The following ZFX variants were observed in gnomAD, a reference collection of about 807,000 sequenced individuals.
ZFX encodes the protein zinc finger X-chromosomal protein.
For synonymous variants in ZFX, 196 were observed against 226.8 expected (o/e 0.86, Z 1.22); for missense variants, 362 against 628.3 (o/e 0.58, Z 4.53).
At chrX:24,158,671 C>G (rs1272230460) in intron 3 of ZFX, among the ~76,000 whole-genome samples, 2 of 111,237 alleles carry the variant, frequency 1.8e-5, no homozygotes, top group Non-Finnish European at 3.8e-5. Flanking sequence ...GGGTCTTGCT[C>G]TGTCGCCCAG....
intron 5 of ZFX, among the ~76,000 whole-genome samples, chrX:24,192,448 C>T (rs766315111): frequency 2.7e-5 from 3 of 111,441 alleles, no homozygotes; most frequent in East Asian, 2.8e-4. Context: ...GAGTATTGGC[C>T]GTAGGTTTAT....
intron 3 of ZFX, among the ~76,000 whole-genome samples, chrX:24,153,920 A>G (rs1024251818): frequency 9.0e-6 from 1 of 111,165 alleles, no homozygotes; most frequent in African/African-American, 3.3e-5. Context: ...TTTTTGACTC[A>G]GGGACATACA....
In ZFX at chrX:24,214,984, A is replaced by G. The variant is rs1319425661; in HGVS notation, c.*3608A>G. The G allele has an allele frequency of 9.1e-6, 1 of 110,335 alleles. No individual in the cohort carries two copies. The highest frequency in any genetic ancestry group is 9.9e-5 in the Admixed American group (1 of 10,144). 9.1% of individuals were successfully genotyped at this position (110,335 alleles called of 1,213,427 possible). A position where few individuals can be genotyped will look rare whatever the true frequency, so the allele number is the denominator to read the frequency against. On this transcript the variant is annotated 3_prime_UTR_variant, in exon 10 of 10. Coordinates refer to ENST00000304543, the MANE Select transcript of ZFX (RefSeq NM_003410.4). ...TTAAGTAAATGTCAGGAGTCAAAAG[A>G]GATAGAGTTGTGCCATCTTTGATTT...
chrX:24,183,706 TA>T (rs2147737992), intron 5 of ZFX, among the ~76,000 whole-genome samples: 1 of 110,307 alleles, frequency 9.1e-6, no homozygotes, highest in South Asian at 3.8e-4. Context: ...GCTATGTGTA[TA>T]AGGTGTATAT....
intron 5 of ZFX, among the ~76,000 whole-genome samples, chrX:24,186,624 T>TAA (rs1005928900): frequency 1.8e-5 from 2 of 109,406 alleles, no homozygotes; most frequent in African/African-American, 3.3e-5. Flanking sequence ...CCCCATCTCT[T>TAA]AAAAAAAAAT....
intron 3 of ZFX, among the ~76,000 whole-genome samples, chrX:24,153,470 T>TAGGGACCAAG (rs1932451015): frequency 9.0e-6 from 1 of 111,616 alleles, no homozygotes; most frequent in African/African-American, 3.3e-5. Context: ...CGTGATGCCG[T>TAGGGACCAAG]CTCTTGCATC....
Position 24,213,279 on chromosome X carries a change from G to A in ZFX, c.*1903G>A, listed in dbSNP as rs1377135085. On this transcript the variant is annotated 3_prime_UTR_variant, in exon 10 of 10. Coordinates refer to ENST00000304543, the MANE Select transcript of ZFX (RefSeq NM_003410.4). ...AATTAGAACTTGGTTATGTTAAGAC[G>A]AATCTGGGAGAACAGAAAACAGTTT... 1 of 111,875 alleles carries A rather than the reference G, an allele frequency of 8.9e-6. No homozygotes were observed. The highest frequency in any genetic ancestry group is 3.3e-5 in the African/African-American group (1 of 30,699). The allele number at this position is 111,875 out of a possible 1,213,427, so 9.2% of individuals were successfully genotyped here. A position where few individuals can be genotyped will look rare whatever the true frequency, so the allele number is the denominator to read the frequency against.
At chrX:24,209,778 G>A (rs906794981) in intron 9 of ZFX, among the ~76,000 whole-genome samples, 1 of 110,670 alleles carries the variant, frequency 9.0e-6, no homozygotes, top group Non-Finnish European at 1.9e-5. Flanking sequence ...TTTTCAGCAT[G>A]TTATGTTGGT....
At chrX:24,196,910 T>G (rs1360282502) in intron 5 of ZFX, among the ~76,000 whole-genome samples, 2 of 112,584 alleles carry the variant, frequency 1.8e-5, no homozygotes, top group African/African-American at 3.2e-5. Flanking sequence ...TTGGTTTGTT[T>G]GTTTGTTTAT....
intron 9 of ZFX, 147 bp downstream of exon 9, chrX:24,209,187 G>GAAT: frequency 2.3e-6 from 2 of 853,340 alleles, no homozygotes; most frequent in Non-Finnish European, 3.2e-6. Flanking sequence ...ATAATTTTCA[G>GAAT]AATTCAGTGA....
intron 3 of ZFX, among the ~76,000 whole-genome samples, chrX:24,158,166 G>C (rs1470286933): frequency 9.0e-6 from 1 of 111,520 alleles, no homozygotes; most frequent in Non-Finnish European, 1.9e-5. Flanking sequence ...AGAAAATACT[G>C]TATCAGTTTA....
chrX:24,177,868 T>C, intron 4 of ZFX: 2 of 748,427 alleles, frequency 2.7e-6, no homozygotes, highest in Middle Eastern at 7.6e-4. Context: ...AGCAAAAAGG[T>C]AAAACACATA....
intron 3 of ZFX, among the ~76,000 whole-genome samples, chrX:24,157,545 T>C (rs1177826271): frequency 1.8e-5 from 2 of 112,194 alleles, no homozygotes; most frequent in Non-Finnish European, 3.8e-5. Flanking sequence ...ATTGCTGTAT[T>C]GTTATTTCAT....
At chrX:24,202,098 A>G (rs1351929831) in intron 5 of ZFX, among the ~76,000 whole-genome samples, 3 of 112,044 alleles carry the variant, frequency 2.7e-5, no homozygotes, top group Non-Finnish European at 3.8e-5. Context: ...TAAACCCAGC[A>G]TAGCTACATT....
At chrX:24,163,831 TAAAAAAAAGAAAA>T (rs990161051) in intron 3 of ZFX, among the ~76,000 whole-genome samples, 10 of 65,282 alleles carry the variant, frequency 1.5e-4, no homozygotes, top group Non-Finnish European at 2.4e-4. Flanking sequence ...CCCCCTCTTT[TAAAAAAAAGAAAA>T]AAAAAAAAAA....
chrX:24,160,282 T>A (rs747638383), intron 3 of ZFX, among the ~76,000 whole-genome samples: 1 of 103,576 alleles, frequency 9.7e-6, no homozygotes, highest in Non-Finnish European at 1.9e-5. Context: ...GGATGCTATT[T>A]AAAAAAATTG....
intron 3 of ZFX, among the ~76,000 whole-genome samples, chrX:24,169,331 C>A (rs1261922088): frequency 1.8e-5 from 2 of 111,480 alleles, no homozygotes; most frequent in Non-Finnish European, 3.8e-5. Flanking sequence ...TGGGTTAATA[C>A]TGCAGAGCCT....
chrX:24,163,984 TTTC>T lies in ZFX; in HGVS notation c.-28-8728_-28-8726del, dbSNP rs948959905. Among the ~76,000 whole-genome samples, 5 of 109,753 alleles carry T rather than the reference TTTC, an allele frequency of 4.6e-5. No homozygotes were observed. In the Admixed American group the frequency reaches 4.9e-4, roughly 11 times the overall value. On this transcript the variant is annotated intron_variant, in intron 3 of 9. Coordinates refer to ENST00000304543, the MANE Select transcript of ZFX (RefSeq NM_003410.4). ...GTTTTCTTTTTTTCTGTTTTTTTTTTTTCTTATTTCAAATTGTATATGTTTGTG... is the reference window on the plus strand; with the variant it reads ...GTTTTCTTTTTTTCTGTTTTTTTTTTTTATTTCAAATTGTATATGTTTGTG...
At chrX:24,164,263 T>C (rs1038692402) in intron 3 of ZFX, among the ~76,000 whole-genome samples, 1 of 111,661 alleles carries the variant, frequency 9.0e-6, no homozygotes, top group Non-Finnish European at 1.9e-5. Flanking sequence ...TTCTTTTCTT[T>C]TATTATTTTT....
Sources: gnomAD v4.1 joint callset for allele counts (sites outside exome capture counted in the v4.1 genomes callset) on GRCh38, gnomAD v4.1.1 for gene constraint, MANE v1.5 for transcripts, NCBI Gene and HGNC (gene_info 2026-07-23, HGNC 2026-07-21) for gene names.